PCDH9: variants seen among roughly 807,000 people sequenced by gnomAD.
The protein encoded by PCDH9 is protocadherin-9.
Under a neutral mutation model 70.6 loss-of-function variants are expected in PCDH9, and 24 were observed. That is an observed-to-expected ratio of 0.34 (90% CI 0.25 to 0.48). The LOEUF (loss-of-function observed/expected upper bound fraction) is 0.48, where lower values mean the gene tolerates loss of function less well. Among genes scored for constraint, PCDH9 ranks in the 20% least tolerant of loss-of-function variants. The pLI, the probability that PCDH9 is intolerant of heterozygous loss-of-function variation, is 0.99. For missense variants in PCDH9, 1,281 were observed against 1,503.6 expected (o/e 0.85, Z 2.45); for synonymous variants, 562 against 558.5 (o/e 1.01, Z -0.09).
chr13:66,451,482 T>C (rs927748634), intron 4 of PCDH9, among the ~76,000 whole-genome samples: 1 of 152,222 alleles, frequency 6.6e-6, no homozygotes, highest in African/African-American at 2.4e-5. Context: ...TGCCTTTCTC[T>C]TCTAAATTAT....
chr13:66,785,046 C>T (rs961219009), intron 3 of PCDH9, among the ~76,000 whole-genome samples: 2 of 151,998 alleles, frequency 1.3e-5, no homozygotes, highest in East Asian at 3.8e-4. Flanking sequence ...TGTAAAAATT[C>T]TAATATTGTA....
At chr13:66,933,891 G>GC (rs1435240444) in intron 2 of PCDH9, among the ~76,000 whole-genome samples, 1 of 76,874 alleles carries the variant, frequency 1.3e-5, no homozygotes, top group East Asian at 4.3e-4. Context: ...CATAAGCTAG[G>GC]CAAAAAAAAA....
chr13:66,630,917 A>G (rs2077562448), intron 4 of PCDH9: 1 of 252,760 alleles, frequency 4.0e-6, no homozygotes, highest in Non-Finnish European at 7.6e-6. Flanking sequence ...TTCAAATTTC[A>G]TAAGATCTCT....
chr13:67,019,973 C>G (rs1298876142), intron 2 of PCDH9, among the ~76,000 whole-genome samples: 11 of 152,184 alleles, frequency 7.2e-5, no homozygotes, highest in Non-Finnish European at 1.6e-4. Context: ...ATTCACAAAA[C>G]TAAGAATTCT....
At chr13:66,352,938 C>T (rs1391467245) in intron 4 of PCDH9, among the ~76,000 whole-genome samples, 1 of 152,106 alleles carries the variant, frequency 6.6e-6, no homozygotes, top group Non-Finnish European at 1.5e-5. Context: ...TCTGATCTAG[C>T]CATTAAATGA....
chr13:66,732,932 C>T (rs953201535), intron 3 of PCDH9, among the ~76,000 whole-genome samples: 2 of 152,028 alleles, frequency 1.3e-5, no homozygotes, highest in African/African-American at 2.4e-5. Flanking sequence ...CATATATACA[C>T]ACAGATGTAT....
At chr13:66,573,355 T>C (rs1469434793) in intron 4 of PCDH9, among the ~76,000 whole-genome samples, 1 of 151,928 alleles carries the variant, frequency 6.6e-6, no homozygotes, top group Non-Finnish European at 1.5e-5. Context: ...TCTGCAAATA[T>C]TTTCTCCCAC....
chr13:66,967,073 TC>T (rs779609205), intron 2 of PCDH9, among the ~76,000 whole-genome samples: 2 of 152,002 alleles, frequency 1.3e-5, no homozygotes, highest in African/African-American at 2.4e-5. Context: ...CCAAGGTAGC[TC>T]CCAACCTGAA....
At chr13:66,486,479 A>G (rs1594053891) in intron 4 of PCDH9, among the ~76,000 whole-genome samples, 1 of 144,584 alleles carries the variant, frequency 6.9e-6, no homozygotes, top group East Asian at 2.4e-4. Flanking sequence ...AAATAAAAAT[A>G]AAAAAAATTA....
At chr13:66,903,119 T>G (rs2082304280) in intron 3 of PCDH9, among the ~76,000 whole-genome samples, 1 of 151,910 alleles carries the variant, frequency 6.6e-6, no homozygotes, top group Non-Finnish European at 1.5e-5. Context: ...GTATGGGAGA[T>G]GAATCGAATT....
At chr13:66,667,058 T>C (rs947330719) in intron 3 of PCDH9, among the ~76,000 whole-genome samples, 1 of 152,182 alleles carries the variant, frequency 6.6e-6, no homozygotes, top group Non-Finnish European at 1.5e-5. Context: ...TTAGAACTTG[T>C]AGGGTCACTG....
At position 66,866,296 on chromosome 13, in the gene PCDH9, T is replaced by C. The variant is rs562578876; in HGVS notation, c.3138+37208A>G. On this transcript the variant is annotated intron_variant, in intron 3 of 4. Transcript: ENST00000377865. ...AGGAGATAGAGACCATCCTGGCTAA[T>C]ACGGTGAAACCCCGTCTCTATTAAA... Among the ~76,000 whole-genome samples the C allele has an allele frequency of 1.9e-3, 283 of 151,164 alleles. 1 individual carries two copies. The highest frequency in any genetic ancestry group is 3.0e-3 in the Non-Finnish European group (206 of 67,796).
In PCDH9 at chr13:66,748,608, T is replaced by A. The variant is rs1012043124; in HGVS notation, c.3139-117197A>T. ...GATGTAGTGTGTCAGCAAAGCAGAC[T>A]CCATGTGCAGCTCATTGAAACTTGC... is the stretch of plus-strand genomic sequence containing the variant. On this transcript the variant is annotated intron_variant, in intron 3 of 4. Transcript: ENST00000377865. 2.0e-5 allele frequency among the ~76,000 whole-genome samples: 3 copies of A among 152,308 alleles called. No individual in the cohort carries two copies. The South Asian group carries it at 6.2e-4, about 32-fold the overall frequency.
intron 3 of PCDH9, among the ~76,000 whole-genome samples, chr13:66,690,340 A>C (rs189413822): frequency 9.9e-4 from 151 of 152,302 alleles, no homozygotes; most frequent in African/African-American, 3.5e-3. Context: ...TTAGAAAAAA[A>C]CTTCGAGGTA....
At chr13:66,373,582 G>A (rs1041100134) in intron 4 of PCDH9, among the ~76,000 whole-genome samples, 31 of 151,928 alleles carry the variant, frequency 2.0e-4, no homozygotes, top group East Asian at 5.8e-4. Context: ...AGATACACTC[G>A]TATATTTAAT....
chr13:67,123,555 G>C (rs1393021743), intron 2 of PCDH9, among the ~76,000 whole-genome samples: 1 of 152,118 alleles, frequency 6.6e-6, no homozygotes, highest in East Asian at 1.9e-4. Context: ...TCTTACTATA[G>C]TAATGTTACG....
intron 2 of PCDH9, among the ~76,000 whole-genome samples, chr13:67,092,359 T>A (rs2086234661): frequency 6.6e-6 from 1 of 152,102 alleles, no homozygotes; most frequent in African/African-American, 2.4e-5. Flanking sequence ...TAGCACTCAA[T>A]ATGTAGCAAA....
At chr13:66,570,880 G>A (rs2076724299) in intron 4 of PCDH9, among the ~76,000 whole-genome samples, 1 of 151,970 alleles carries the variant, frequency 6.6e-6, no homozygotes, top group African/African-American at 2.4e-5. Context: ...AAAAATTAAT[G>A]TCTAGTACAT....
At chr13:66,637,021 T>G (rs1467610346) in intron 3 of PCDH9, among the ~76,000 whole-genome samples, 1 of 152,154 alleles carries the variant, frequency 6.6e-6, no homozygotes, top group African/African-American at 2.4e-5. Context: ...TCTTATAATA[T>G]TCACTAGAAA....
Sources: allele counts gnomAD v4.1 joint callset (sites outside exome capture counted in the v4.1 genomes callset), GRCh38; gene constraint gnomAD v4.1.1; transcripts MANE v1.5; gene names NCBI Gene and HGNC (gene_info 2026-07-23, HGNC 2026-07-21).